Variants in SH3RF3 observed in about 807,000 individuals in gnomAD.
SH3RF3 encodes the protein E3 ubiquitin-protein ligase SH3RF3.
A neutral mutation model predicts 66.3 loss-of-function variants in SH3RF3; 29 were observed. The observed-to-expected ratio is 0.44, with a 90% CI of 0.33 to 0.60. The LOEUF (loss-of-function observed/expected upper bound fraction) is 0.60, where lower values mean the gene tolerates loss of function less well. SH3RF3 is among the 20% of genes least tolerant of loss of function. The probability of loss-of-function intolerance (pLI) is 0.04; values close to 1 mark genes in which losing one functional copy is unlikely to be tolerated. For missense variants in SH3RF3, 1,194 were observed against 1,190.9 expected, an observed-to-expected ratio of 1.00 and a Z score of -0.04; for synonymous variants, 583 against 532.0, an observed-to-expected ratio of 1.10 and a Z score of -1.32.
chr2:109,323,638 G>A (rs935129376), intron 1 of SH3RF3, among the ~76,000 whole-genome samples: 1 of 152,188 alleles, frequency 6.6e-6, no homozygotes, highest in Non-Finnish European at 1.5e-5. Flanking sequence ...TGGGGTTTTG[G>A]TGAGGTTGAG....
At chr2:109,210,924 G>A (rs1678959881) in intron 1 of SH3RF3, among the ~76,000 whole-genome samples, 1 of 152,224 alleles carries the variant, frequency 6.6e-6, no homozygotes. Flanking sequence ...TGGAATTGCT[G>A]CTGTCCTTTC....
At chr2:109,324,979 G>C (rs1228309593) in intron 1 of SH3RF3, among the ~76,000 whole-genome samples, 1 of 152,192 alleles carries the variant, frequency 6.6e-6, no homozygotes, top group Admixed American at 6.5e-5. Flanking sequence ...CACAGTTTTG[G>C]CAAGGAAAAG....
At chr2:109,306,340 C>G (rs1681596475) in intron 1 of SH3RF3, among the ~76,000 whole-genome samples, 1 of 152,198 alleles carries the variant, frequency 6.6e-6, no homozygotes, top group Non-Finnish European at 1.5e-5. Context: ...GTGTCCCTGC[C>G]TCCAACCCCT....
chr2:109,450,957 G>A (rs556698698), intron 8 of SH3RF3, among the ~76,000 whole-genome samples: 2 of 152,342 alleles, frequency 1.3e-5, no homozygotes, highest in African/African-American at 2.4e-5. Context: ...CTTTCTCGAG[G>A]ACATTGCCAA....
chr2:109,419,397 G>A, intron 4 of SH3RF3, 142 bp from the exon 5 acceptor site: 2 of 809,454 alleles, frequency 2.5e-6, no homozygotes, highest in Non-Finnish European at 3.9e-6. Flanking sequence ...GACAGTCCAG[G>A]TAGGCACAGC....
chr2:109,458,336 A>G (rs1157338890), intron 8 of SH3RF3, among the ~76,000 whole-genome samples: 7 of 152,136 alleles, frequency 4.6e-5, no homozygotes, highest in African/African-American at 1.2e-4. Flanking sequence ...TGTTATTGCT[A>G]TAGGATTTCT....
At chr2:109,494,867 C>T (rs942154907) in intron 9 of SH3RF3, among the ~76,000 whole-genome samples, 3 of 152,182 alleles carry the variant, frequency 2.0e-5, no homozygotes, top group African/African-American at 7.2e-5. Flanking sequence ...GGGCGCTGCT[C>T]TCCTCTCCAC....
chr2:109,389,515 T>G (rs1675923083), intron 3 of SH3RF3, among the ~76,000 whole-genome samples: 1 of 152,166 alleles, frequency 6.6e-6, no homozygotes, highest in Non-Finnish European at 1.5e-5. Flanking sequence ...TCTATTCCGT[T>G]TCTTAAAAAG....
intron 1 of SH3RF3, among the ~76,000 whole-genome samples, chr2:109,304,513 AC>A (rs759315839): frequency 6.6e-6 from 1 of 151,842 alleles, no homozygotes; most frequent in African/African-American, 2.4e-5. Flanking sequence ...CCTCTCTCCA[AC>A]CCCAGGGTGT....
chr2:109,164,954 C>T (rs370230305), intron 1 of SH3RF3, among the ~76,000 whole-genome samples: 3 of 152,138 alleles, frequency 2.0e-5, no homozygotes, highest in Non-Finnish European at 2.9e-5. Context: ...ATGGGGAGGT[C>T]GTAATTGTTT....
chr2:109,320,681 A>G (rs1559022128), intron 1 of SH3RF3, among the ~76,000 whole-genome samples: 1 of 152,238 alleles, frequency 6.6e-6, no homozygotes, highest in Non-Finnish European at 1.5e-5. Flanking sequence ...TTGTAAAATT[A>G]CTGGCATTCC....
chr2:109,500,021 G>A (rs1400349971), intron 9 of SH3RF3, among the ~76,000 whole-genome samples: 1 of 152,118 alleles, frequency 6.6e-6, no homozygotes, highest in Non-Finnish European at 1.5e-5. Context: ...CGGGTGGTCC[G>A]TGTGAACACA....
At chr2:109,454,190 A>G (rs1200393063) in intron 8 of SH3RF3, among the ~76,000 whole-genome samples, 3 of 152,218 alleles carry the variant, frequency 2.0e-5, no homozygotes, top group Admixed American at 2.0e-4. Flanking sequence ...AATAGGAGGA[A>G]ATACTTACAA....
At chr2:109,197,259 T>C (rs1678528432) in intron 1 of SH3RF3, among the ~76,000 whole-genome samples, 1 of 152,018 alleles carries the variant, frequency 6.6e-6, no homozygotes, top group African/African-American at 2.4e-5. Context: ...GGGTAATTCG[T>C]TGGTCGTTAG....
At chr2:109,435,522 C>G (rs1179021419) in intron 6 of SH3RF3, among the ~76,000 whole-genome samples, 1 of 152,196 alleles carries the variant, frequency 6.6e-6, no homozygotes, top group African/African-American at 2.4e-5. Context: ...GTATAGTGCT[C>G]AGAGCTGAGC....
intron 8 of SH3RF3, among the ~76,000 whole-genome samples, chr2:109,481,289 G>C (rs879646474): frequency 3.9e-5 from 6 of 152,250 alleles, no homozygotes; most frequent in Non-Finnish European, 7.3e-5. Context: ...CACAGTTGCT[G>C]TGTCTGCTGG....
intron 5 of SH3RF3, among the ~76,000 whole-genome samples, chr2:109,428,550 A>C (rs1677100732): frequency 6.6e-6 from 1 of 152,174 alleles, no homozygotes; most frequent in Non-Finnish European, 1.5e-5. Context: ...TGCCGCGGCC[A>C]CTTCTGCCTG....
intron 1 of SH3RF3, among the ~76,000 whole-genome samples, chr2:109,240,085 T>C (rs1382192309): frequency 1.3e-5 from 2 of 152,198 alleles, no homozygotes; most frequent in Non-Finnish European, 2.9e-5. Context: ...GAGTGAAGGC[T>C]GTTGTATTGC....
At chr2:109,223,484 A>T (rs1162869303) in intron 1 of SH3RF3, among the ~76,000 whole-genome samples, 3 of 152,190 alleles carry the variant, frequency 2.0e-5, no homozygotes, top group African/African-American at 7.2e-5. Flanking sequence ...TGGCCTGCCC[A>T]TGTCAGTCCT....
Sources: gnomAD v4.1 joint callset for allele counts (sites outside exome capture counted in the v4.1 genomes callset) on GRCh38, gnomAD v4.1.1 for gene constraint, MANE v1.5 for transcripts, NCBI Gene and HGNC (gene_info 2026-07-23, HGNC 2026-07-21) for gene names.